SRD5A2: variants seen among roughly 807,000 people sequenced by gnomAD.
The protein encoded by SRD5A2 is 3-oxo-5-alpha-steroid 4-dehydrogenase 2.
SRD5A2 carries 30 observed loss-of-function variants against 27.4 expected under a neutral mutation model. That is an observed-to-expected ratio of 1.10 (90% CI 0.82 to 1.49). The LOEUF (loss-of-function observed/expected upper bound fraction) is 1.49, where lower values mean the gene tolerates loss of function less well. SRD5A2 is among the 40% of genes most tolerant of loss of function. SRD5A2 has a pLI of 0.00. For synonymous variants in SRD5A2, 141 were observed against 133.6 expected, an observed-to-expected ratio of 1.06 and a Z score of -0.38; for missense variants, 348 against 323.4, an observed-to-expected ratio of 1.08 and a Z score of -0.58.
the SRD5A2 span, among the ~76,000 whole-genome samples, chr2:31,645,934 C>T: frequency 4.9e-4 from 75 of 152,202 alleles, no homozygotes; most frequent in South Asian, 0.015. Context: ...GGGGTACCTT[C>T]CTGCATAATG....
chr2:31,525,199 C>G lies in SRD5A2; in HGVS notation c.*997G>C, dbSNP rs1332387184. On this transcript the variant is annotated 3_prime_UTR_variant, in exon 5 of 5. Transcript: ENST00000622030. The stretch of plus-strand genomic sequence containing the variant: ...CACCTTCTTGAACAGGTCCTGAGAA[C>G]TACAAGGAAGAAGCTCCAGGAAAGG... 4.5e-6 allele frequency: 1 copy of G among 223,058 alleles called. No homozygotes were observed. Among genetic ancestry groups the G allele is most frequent in the Non-Finnish European group, 9.0e-6 (1 of 111,598 alleles). 13.8% of individuals were successfully genotyped at this position (223,058 alleles called of 1,614,324 possible). A position where few individuals can be genotyped will look rare whatever the true frequency, so the allele number is the denominator to read the frequency against.
At chr2:31,623,814 C>G in the SRD5A2 span, among the ~76,000 whole-genome samples, 1 of 151,932 alleles carries the variant, frequency 6.6e-6, no homozygotes, top group Non-Finnish European at 1.5e-5. Flanking sequence ...TAACATGAAG[C>G]AATGTTGAAT....
intron 1 of SRD5A2, among the ~76,000 whole-genome samples, chr2:31,567,456 G>A (rs78915005): frequency 0.11 from 15,659 of 140,042 alleles, 952 homozygotes; most frequent in Middle Eastern, 0.18. Flanking sequence ...GTGTGTGTGT[G>A]TATATATATA....
At chr2:31,651,212 C>T in the SRD5A2 span, among the ~76,000 whole-genome samples, 1 of 152,058 alleles carries the variant, frequency 6.6e-6, no homozygotes, top group African/African-American at 2.4e-5. Flanking sequence ...GTAGCTTCAC[C>T]CAATTTTCTT....
At chr2:31,648,324 T>A in the SRD5A2 span, among the ~76,000 whole-genome samples, 1 of 152,232 alleles carries the variant, frequency 6.6e-6, no homozygotes, top group Non-Finnish European at 1.5e-5. Flanking sequence ...ATTACATATA[T>A]GAAGAGACAC....
chr2:31,640,422 C>T, the SRD5A2 span, among the ~76,000 whole-genome samples: 1 of 152,008 alleles, frequency 6.6e-6, no homozygotes, highest in Non-Finnish European at 1.5e-5. Flanking sequence ...TTATTTATGT[C>T]TTTGCATTTT....
the SRD5A2 span, among the ~76,000 whole-genome samples, chr2:31,656,059 AG>A: frequency 6.6e-6 from 1 of 152,202 alleles, no homozygotes; most frequent in African/African-American, 2.4e-5. Flanking sequence ...TGATTATATC[AG>A]TTCTCTCTGT....
the SRD5A2 span, among the ~76,000 whole-genome samples, chr2:31,649,792 A>G: frequency 1.3e-5 from 2 of 152,144 alleles, no homozygotes; most frequent in Non-Finnish European, 2.9e-5. Context: ...GGATATTCAC[A>G]TAATATATAA....
intron 1 of SRD5A2, among the ~76,000 whole-genome samples, chr2:31,563,921 C>G (rs1666677746): frequency 6.6e-6 from 1 of 152,014 alleles, no homozygotes; most frequent in African/African-American, 2.4e-5. Context: ...AGATCAAAGC[C>G]TGAAATGATC....
chr2:31,564,588 G>A (rs539830874), intron 1 of SRD5A2, among the ~76,000 whole-genome samples: 2 of 151,806 alleles, frequency 1.3e-5, no homozygotes, highest in Admixed American at 6.6e-5. Context: ...AATACACCAA[G>A]GAATATAGTA....
chr2:31,662,023 T>C, the SRD5A2 span, among the ~76,000 whole-genome samples: 4 of 152,292 alleles, frequency 2.6e-5, no homozygotes, highest in East Asian at 7.7e-4. Flanking sequence ...ACAGTGCCTG[T>C]ATATTTTCAA....
upstream of SRD5A2, among the ~76,000 whole-genome samples, chr2:31,584,027 G>A (rs932892135): frequency 2.6e-5 from 4 of 152,112 alleles, no homozygotes; most frequent in African/African-American, 7.2e-5. Flanking sequence ...GGGGTACAGC[G>A]GCTGTCTTTA....
At chr2:31,544,587 GATTAT>G (rs756869013) in intron 1 of SRD5A2, among the ~76,000 whole-genome samples, 313 of 151,828 alleles carry the variant, frequency 2.1e-3, no homozygotes, top group Non-Finnish European at 3.4e-3. Context: ...AACTACAAAT[GATTAT>G]ATTAAAAACA....
At chr2:31,561,125 T>G (rs1159428266) in intron 1 of SRD5A2, among the ~76,000 whole-genome samples, 1 of 152,062 alleles carries the variant, frequency 6.6e-6, no homozygotes, top group Non-Finnish European at 1.5e-5. Flanking sequence ...AAATGAAGAC[T>G]CAGCACCTTT....
chr2:31,534,635 A>G (rs116286639), intron 1 of SRD5A2, among the ~76,000 whole-genome samples: 113 of 152,298 alleles, frequency 7.4e-4, no homozygotes, highest in African/African-American at 2.6e-3. Flanking sequence ...CACATGTACA[A>G]ATGCACACGC....
At chr2:31,559,998 C>T (rs1666586174) in intron 1 of SRD5A2, among the ~76,000 whole-genome samples, 1 of 150,668 alleles carries the variant, frequency 6.6e-6, no homozygotes, top group Non-Finnish European at 1.5e-5. Context: ...ACCTATAGAA[C>T]TTTATCATCA....
chr2:31,653,690 G>C, the SRD5A2 span, among the ~76,000 whole-genome samples: 1 of 151,776 alleles, frequency 6.6e-6, no homozygotes, highest in Admixed American at 6.6e-5. Flanking sequence ...ACGGAGTTTT[G>C]CTCTTGTTGC....
rs181597083 is a variant in SRD5A2, at chr2:31,546,147, C to T, written c.282-12381G>A. ...ATACTACCAACACAATCTATTGACT[C>T]AATACAATCCCTATCAAAATTCCAA... On this transcript the variant is annotated intron_variant, in intron 1 of 4. Coordinates refer to ENST00000622030, the MANE Select transcript of SRD5A2 (RefSeq NM_000348.4). Among the ~76,000 whole-genome samples, 87 of 150,388 alleles carry T rather than the reference C, an allele frequency of 5.8e-4. 2 individuals carry two copies. Among genetic ancestry groups the T allele is most frequent in the Middle Eastern group, 3.2e-3 (1 of 312 alleles).
At chr2:31,635,674 T>A in the SRD5A2 span, among the ~76,000 whole-genome samples, 1 of 152,222 alleles carries the variant, frequency 6.6e-6, no homozygotes, top group Non-Finnish European at 1.5e-5. Flanking sequence ...TTTCTTCTAG[T>A]AGTTTCATAG....
Sources: gnomAD v4.1 joint callset for allele counts (sites outside exome capture counted in the v4.1 genomes callset) on GRCh38, gnomAD v4.1.1 for gene constraint, MANE v1.5 for transcripts, NCBI Gene and HGNC (gene_info 2026-07-23, HGNC 2026-07-21) for gene names.